The following MAU2 variants were observed in gnomAD, a reference collection of about 807,000 sequenced individuals.
MAU2 encodes MAU2 sister chromatid cohesion factor.
MAU2 carries 9 observed loss-of-function variants against 89.1 expected under a neutral mutation model. The ratio of observed to expected loss-of-function variants is 0.10; its 90% CI spans 0.06 to 0.18. The LOEUF (loss-of-function observed/expected upper bound fraction) is 0.18. MAU2 is among the 10% of genes least tolerant of loss of function. The pLI, the probability that MAU2 is intolerant of heterozygous loss-of-function variation, is 1.00. For missense variants in MAU2, 425 were observed against 803.5 expected, an observed-to-expected ratio of 0.53 and a Z score of 5.69; for synonymous variants, 357 against 343.4, an observed-to-expected ratio of 1.04 and a Z score of -0.44.
rs563515454 is a variant in MAU2 at position 19,343,400 on chromosome 19, A to G, written c.974-437A>G. ...GAGCCAAGGCAGCCCAAAGCCGGAT[A>G]GGCCCTGTGCTTCTCTTATTCCCAT... On this transcript the variant is annotated intron_variant, in intron 9 of 18. Transcript: ENST00000262815. Among the ~76,000 whole-genome samples the G allele has an allele frequency of 2.0e-5, 3 of 152,332 alleles. No individual in the cohort carries two copies. In the South Asian group the frequency reaches 6.2e-4, roughly 32 times the overall value.
At chr19:19,346,762 C>T (rs1007368764) in intron 12 of MAU2, 1 of 154,852 alleles carries the variant, frequency 6.5e-6, no homozygotes, top group African/African-American at 2.4e-5. Flanking sequence ...ATGGCCCATC[C>T]ACCACCTGTC....
Position 19,345,240 on chromosome 19 carries a change from C to A in MAU2, c.1156-64C>A. The A allele has an allele frequency of 6.9e-7, 1 of 1,446,532 alleles. No homozygotes were observed. Among genetic ancestry groups the A allele is most frequent in the Non-Finnish European group, 9.7e-7 (1 of 1,029,114 alleles). 89.6% of individuals were successfully genotyped at this position (1,446,532 alleles called of 1,614,324 possible). A position where few individuals can be genotyped will look rare whatever the true frequency, so the allele number is the denominator to read the frequency against. ...AGCCGTGCAGGCCCCGGGCACACCA[C>A]GTGTCTCTGATCTGAGCCCCCTCCC... On this transcript the variant is annotated intron_variant, in intron 11 of 18. Transcript: ENST00000262815. The surrounding 1 kb of genome is among the most constrained non-coding windows in gnomAD (Gnocchi z 4.9).
intron 5 of MAU2, among the ~76,000 whole-genome samples, 200 bp from the exon 6 acceptor site, chr19:19,340,642 AAAAT>A (rs917626964): frequency 9.2e-5 from 14 of 152,314 alleles, no homozygotes; most frequent in Non-Finnish European, 1.3e-4. Flanking sequence ...CCGTCTCAAA[AAAAT>A]AAATAAATAA....
chr19:19,343,364 A>T (rs185512975), intron 9 of MAU2, among the ~76,000 whole-genome samples: 13 of 152,178 alleles, frequency 8.5e-5, no homozygotes, highest in Admixed American at 7.2e-4. Context: ...CTGCTGGGGG[A>T]GAAGGCATCA....
Position 19,348,946 on chromosome 19 carries a change from G to A in MAU2, c.1358+8G>A, listed in dbSNP as rs143738883. 1.9e-5 allele frequency: 31 copies of A among 1,612,822 alleles called. No individual in the cohort carries two copies. Among genetic ancestry groups the A allele is most frequent in the Middle Eastern group, 1.7e-4 (1 of 6,058 alleles). ...CCACAGCTTCCCTGTCAGGTGAGCC[G>A]CTCCAGGCACCACTCCACGCACGGC... On this transcript the variant is annotated splice_region_variant and intron_variant, in intron 14 of 18. Coordinates refer to ENST00000262815, the MANE Select transcript of MAU2 (RefSeq NM_015329.4).
chr19:19,327,394 C>T (rs1240942354), intron 1 of MAU2, among the ~76,000 whole-genome samples: 4 of 151,880 alleles, frequency 2.6e-5, no homozygotes, highest in African/African-American at 9.7e-5. Flanking sequence ...GGCGCGATCT[C>T]GGCTCACTGC....
rs953932716 is a variant in MAU2 at position 19,325,378 on chromosome 19, G to A, written c.276+4243G>A. Among the ~76,000 whole-genome samples the A allele has an allele frequency of 1.5e-4, 23 of 151,974 alleles. No homozygotes were observed. In the East Asian group the frequency reaches 1.5e-3, roughly 10 times the overall value. On this transcript the variant is annotated intron_variant, in intron 1 of 18. Transcript: ENST00000262815. ...TTTAGTAAAGAAGGGGTTTCACCACGTTGGTCAGGCTGGCCTTGAACTCCT... is the reference window on the plus strand; with the variant it reads ...TTTAGTAAAGAAGGGGTTTCACCACATTGGTCAGGCTGGCCTTGAACTCCT...
At chr19:19,344,551 C>T (rs2061678813) in intron 10 of MAU2, 2 of 499,224 alleles carry the variant, frequency 4.0e-6, no homozygotes, top group South Asian at 5.4e-5. Flanking sequence ...GAACACTCTA[C>T]CCCCAGTACC....
intron 8 of MAU2, 35 bp from the exon 9 acceptor site, chr19:19,342,741 C>T: frequency 6.2e-7 from 1 of 1,613,798 alleles, no homozygotes; most frequent in Non-Finnish European, 8.5e-7. Flanking sequence ...AGGGAGAGGG[C>T]CCTGGTAACC....
At chr19:19,350,618 A>AAT (rs1568667051) in intron 16 of MAU2, among the ~76,000 whole-genome samples, 1 of 141,860 alleles carries the variant, frequency 7.0e-6, no homozygotes, top group African/African-American at 2.6e-5. Flanking sequence ...AAAAAAAAAA[A>AAT]GGCCGGGCAT....
intron 4 of MAU2, 38 bp downstream of exon 4, chr19:19,337,303 G>C: frequency 1.3e-6 from 2 of 1,537,948 alleles, no homozygotes; most frequent in South Asian, 1.1e-5. Flanking sequence ...TGCCCGGCAG[G>C]GACCATGACC....
intron 4 of MAU2, among the ~76,000 whole-genome samples, chr19:19,338,565 C>T (rs769585189): frequency 1.3e-5 from 2 of 152,216 alleles, no homozygotes; most frequent in South Asian, 2.1e-4. Context: ...GGGTCTGTGC[C>T]GTGAGCCTTG....
intron 1 of MAU2, among the ~76,000 whole-genome samples, chr19:19,323,940 C>G (rs2061484733): frequency 6.6e-6 from 1 of 152,198 alleles, no homozygotes; most frequent in Non-Finnish European, 1.5e-5. Context: ...GGTTACATGC[C>G]AAGATGATAC....
chr19:19,350,266 A>T (rs1022378316), intron 16 of MAU2, among the ~76,000 whole-genome samples: 8 of 142,396 alleles, frequency 5.6e-5, no homozygotes, highest in Non-Finnish European at 1.2e-4. Context: ...GCTGCACTCC[A>T]GCCTGGGCAA....
At chr19:19,342,712 T>A (rs2965191) in intron 8 of MAU2, 31 bp downstream of exon 8, 7 of 1,613,054 alleles carry the variant, frequency 4.3e-6, no homozygotes, top group Non-Finnish European at 5.1e-6. Flanking sequence ...GGGCCAGGGC[T>A]GGGGGCGGGG....
intron 1 of MAU2, chr19:19,334,590 C>G (rs1228835671): frequency 1.0e-6 from 1 of 985,378 alleles, no homozygotes; most frequent in East Asian, 1.1e-4. Flanking sequence ...TCTGAAAACT[C>G]CCATCTGGGC....
chr19:19,333,077 CAAAAAAA>C (rs201542665), intron 1 of MAU2, among the ~76,000 whole-genome samples: 1 of 136,972 alleles, frequency 7.3e-6, no homozygotes, highest in Non-Finnish European at 1.6e-5. Flanking sequence ...AACTCCATCT[CAAAAAAA>C]AAAAAGAAGA....
Position 19,355,804 on chromosome 19 carries a change from C to T in MAU2, c.*22C>T. 1 of 1,598,552 alleles carries T rather than the reference C, an allele frequency of 6.3e-7. No individual in the cohort carries two copies. The highest frequency in any genetic ancestry group is 8.5e-7 in the Non-Finnish European group (1 of 1,175,878). On this transcript the variant is annotated 3_prime_UTR_variant, in exon 19 of 19. Coordinates refer to ENST00000262815, the MANE Select transcript of MAU2 (RefSeq NM_015329.4). The stretch of plus-strand genomic sequence containing the variant: ...GTGAGGCCTTGATGGGGCCATCCAG[C>T]TCCGCAGGGCCTGCGCGTCTCCGGC...
Position 19,326,873 on chromosome 19 carries a change from C to T in MAU2, c.276+5738C>T, listed in dbSNP as rs909806546. 4.0e-5 allele frequency among the ~76,000 whole-genome samples: 6 copies of T among 150,386 alleles called. 1 individual carries two copies. The highest frequency in any genetic ancestry group is 4.4e-5 in the Non-Finnish European group (3 of 67,670). ...TGCCACTGCACTCCACCCTGGACAACAGACCGAGACCCTGTCTCAAAACTT... is the reference window on the plus strand; with the variant it reads ...TGCCACTGCACTCCACCCTGGACAATAGACCGAGACCCTGTCTCAAAACTT... On this transcript the variant is annotated intron_variant, in intron 1 of 18. Transcript: ENST00000262815.
Sources: gnomAD v4.1 joint callset for allele counts (sites outside exome capture counted in the v4.1 genomes callset) on GRCh38, gnomAD v4.1.1 for gene constraint, Gnocchi (gnomAD v3.1) non-coding constraint, MANE v1.5 for transcripts, NCBI Gene and HGNC (gene_info 2026-07-23, HGNC 2026-07-21) for gene names.